Variants in GPC3 observed in about 807,000 individuals in gnomAD.
The protein encoded by GPC3 is glypican 3.
GPC3 carries 3 observed loss-of-function variants against 34.4 expected under a neutral mutation model. That is an observed-to-expected ratio of 0.09 (90% CI 0.04 to 0.23). GPC3 has a LOEUF of 0.23. GPC3 is among the 10% of genes least tolerant of loss of function. GPC3 has a pLI of 1.00. For missense variants in GPC3, 351 were observed against 445.6 expected (o/e 0.79, Z 1.91); for synonymous variants, 177 against 174.0 (o/e 1.02, Z -0.13).
intron 2 of GPC3, chrX:133,763,229 T>C (rs1416441356): frequency 1.1e-5 from 6 of 568,971 alleles, no homozygotes; most frequent in Non-Finnish European, 1.9e-5. Flanking sequence ...CTTCCCACCA[T>C]TGCTCTGTGT....
At chrX:133,568,316 T>C (rs901008887) in intron 7 of GPC3, among the ~76,000 whole-genome samples, 4 of 111,755 alleles carry the variant, frequency 3.6e-5, no homozygotes, top group Non-Finnish European at 7.5e-5. Flanking sequence ...AACATTCACA[T>C]AGTACCACCC....
chrX:133,815,481 T>C (rs1049646633), intron 2 of GPC3, among the ~76,000 whole-genome samples: 9 of 109,993 alleles, frequency 8.2e-5, no homozygotes, highest in African/African-American at 3.0e-4. Flanking sequence ...TTGTTTTTGT[T>C]TTTGTTTTTG....
intron 6 of GPC3, among the ~76,000 whole-genome samples, chrX:133,644,073 G>A (rs751706720): frequency 1.8e-5 from 2 of 110,262 alleles, no homozygotes; most frequent in African/African-American, 3.3e-5. Flanking sequence ...TGATCTGCCC[G>A]CCTCAGCCTC....
In GPC3 at chrX:133,843,886, T is replaced by C. The variant is rs375614105; in HGVS notation, c.338-89710A>G. Among the ~76,000 whole-genome samples the C allele has an allele frequency of 4.4e-5, 5 of 112,505 alleles. No individual in the cohort carries two copies. In the East Asian group the frequency reaches 8.4e-4, roughly 19 times the overall value. The stretch of plus-strand genomic sequence containing the variant: ...TTTTTAATACATTTCATTGTACTTT[T>C]TCCCTGTTCTTTATTACATAGCTAT... On this transcript the variant is annotated intron_variant, in intron 2 of 7. Transcript: ENST00000370818.
chrX:133,567,161 G>A (rs1347371616), intron 7 of GPC3, among the ~76,000 whole-genome samples: 2 of 111,923 alleles, frequency 1.8e-5, no homozygotes, highest in African/African-American at 3.2e-5. Flanking sequence ...CTTATAGGGT[G>A]CCTCCTGAGT....
At chrX:133,693,219 AAGAG>A (rs1240789014) in intron 4 of GPC3, among the ~76,000 whole-genome samples, 5 of 71,358 alleles carry the variant, frequency 7.0e-5, no homozygotes, top group African/African-American at 1.8e-4. Context: ...GAGAGAGAGA[AAGAG>A]AGAGTGACAC....
intron 5 of GPC3, among the ~76,000 whole-genome samples, chrX:133,687,448 G>A (rs1212810870): frequency 7.0e-5 from 6 of 86,273 alleles, no homozygotes; most frequent in African/African-American, 2.7e-4. Context: ...CTGGAGTGCA[G>A]TGGCATGATC....
chrX:133,780,327 C>G (rs1278039271), intron 2 of GPC3, among the ~76,000 whole-genome samples: 1 of 111,506 alleles, frequency 9.0e-6, no homozygotes, highest in Non-Finnish European at 1.9e-5. Flanking sequence ...TTCAGAGTAT[C>G]CCTTTTCTTC....
At chrX:133,687,095 T>TA (rs1345043916) in intron 5 of GPC3, among the ~76,000 whole-genome samples, 6 of 91,670 alleles carry the variant, frequency 6.5e-5, no homozygotes, top group African/African-American at 2.6e-4. Context: ...CCGGCTAATT[T>TA]TTTTTTTTTT....
At chrX:133,913,810 T>G (rs1048986118) in intron 2 of GPC3, among the ~76,000 whole-genome samples, 1 of 110,617 alleles carries the variant, frequency 9.0e-6, no homozygotes, top group African/African-American at 3.3e-5. Flanking sequence ...CAAAGATTGG[T>G]GGAGAGCCTG....
At chrX:133,976,970 G>T in intron 1 of GPC3, among the ~76,000 whole-genome samples, 1 of 95,164 alleles carries the variant, frequency 1.1e-5, no homozygotes, top group Non-Finnish European at 2.2e-5. Flanking sequence ...AATAAATGAG[G>T]GGCAACAAGG....
chrX:133,538,048 C>G (rs986676550), intron 7 of GPC3, among the ~76,000 whole-genome samples: 1 of 111,275 alleles, frequency 9.0e-6, no homozygotes, highest in African/African-American at 3.3e-5. Flanking sequence ...CCTGAGTACT[C>G]GTAATAATTC....
intron 6 of GPC3, among the ~76,000 whole-genome samples, chrX:133,623,354 C>T (rs912154842): frequency 3.6e-5 from 4 of 111,970 alleles, no homozygotes; most frequent in East Asian, 2.8e-4. Context: ...AATTAAAAGA[C>T]GCAGACTGGC....
intron 2 of GPC3, among the ~76,000 whole-genome samples, chrX:133,950,595 T>G (rs916496917): frequency 8.9e-6 from 1 of 112,367 alleles, no homozygotes; most frequent in Non-Finnish European, 1.9e-5. Context: ...TAATTTGGTC[T>G]ACCAGAATAT....
At position 133,902,254 on chromosome X, in the gene GPC3, C is replaced by T. The variant is rs1463460869; in HGVS notation, c.337+50796G>A. ...AAGGACACTTTAAGACAATTCACTG[C>T]TATTTTTCCTTCATATTTTTGTATG... On this transcript the variant is annotated intron_variant, in intron 2 of 7. Transcript: ENST00000370818. Among the ~76,000 whole-genome samples the T allele has an allele frequency of 2.7e-5, 3 of 112,464 alleles. No homozygotes were observed. The Admixed American group carries it at 2.8e-4, about 11-fold the overall frequency.
chrX:133,771,400 T>C, intron 2 of GPC3, among the ~76,000 whole-genome samples: 1 of 112,402 alleles, frequency 8.9e-6, no homozygotes, highest in South Asian at 3.7e-4. Context: ...GCTTAGCGCT[T>C]TCCTTAAACA....
chrX:133,736,903 CAAT>C (rs1160641163), intron 3 of GPC3, among the ~76,000 whole-genome samples: 1 of 111,601 alleles, frequency 9.0e-6, no homozygotes, highest in East Asian at 2.8e-4. Flanking sequence ...AATTACATCT[CAAT>C]AAAGCTGTTT....
chrX:133,901,588 G>A (rs2076144236), intron 2 of GPC3, among the ~76,000 whole-genome samples: 1 of 110,529 alleles, frequency 9.0e-6, no homozygotes, highest in Admixed American at 9.6e-5. Context: ...CTACAGGCCC[G>A]CACCACCACA....
intron 5 of GPC3, among the ~76,000 whole-genome samples, chrX:133,674,679 C>T (rs753598101): frequency 9.0e-6 from 1 of 111,609 alleles, no homozygotes; most frequent in South Asian, 3.9e-4. Flanking sequence ...TCCTGAGTGA[C>T]CAGCTTTGGG....
Sources: allele counts gnomAD v4.1 joint callset (sites outside exome capture counted in the v4.1 genomes callset), GRCh38; gene constraint gnomAD v4.1.1; transcripts MANE v1.5; gene names NCBI Gene and HGNC (gene_info 2026-07-23, HGNC 2026-07-21).